TFEC: variants seen among roughly 807,000 people sequenced by gnomAD.
The protein encoded by TFEC is transcription factor EC.
Under a neutral mutation model 41.6 loss-of-function variants are expected in TFEC, and 31 were observed. The ratio of observed to expected loss-of-function variants is 0.74; its 90% CI spans 0.56 to 1.01. TFEC has a LOEUF of 1.01. Ranked by LOEUF, TFEC falls within the 50% of genes least tolerant of loss-of-function variation. The pLI, the probability that TFEC is intolerant of heterozygous loss-of-function variation, is 0.00. For synonymous variants in TFEC, 143 were observed against 140.6 expected, an observed-to-expected ratio of 1.02 and a Z score of -0.12; for missense variants, 402 against 404.1, an observed-to-expected ratio of 0.99 and a Z score of 0.04.
chr7:116,054,188 T>C (rs956122576), intron 3 of TFEC, among the ~76,000 whole-genome samples: 8 of 152,300 alleles, frequency 5.3e-5, no homozygotes, highest in South Asian at 2.1e-4. Flanking sequence ...AATGAAATGG[T>C]AGAAGAATCT....
chr7:116,144,995 C>T (rs1202722250), intron 1 of TFEC, among the ~76,000 whole-genome samples: 2 of 152,114 alleles, frequency 1.3e-5, no homozygotes, highest in African/African-American at 4.8e-5. Context: ...GGAACCCTGA[C>T]TAATATAGAC....
rs370399008 is a variant in TFEC, at chr7:116,000,730, ATTAAC to A, written c.-72-16222_-72-16218del. Reference sequence around the variant, plus strand: ...TACAAATAAAATAAAATACCTAGGAATTAACTTAACCAAAGAAGAGAAAGATCTCT... The same window carrying A: ...TACAAATAAAATAAAATACCTAGGAATTAACCAAAGAAGAGAAAGATCTCT... On this transcript the variant is annotated intron_variant, in intron 1 of 7. Transcript: ENST00000265440. Among the ~76,000 whole-genome samples the A allele has an allele frequency of 9.4e-3, 1,429 of 152,226 alleles. 3 individuals are homozygous for A. Among genetic ancestry groups the A allele is most frequent in the Non-Finnish European group, 0.015 (1,039 of 67,978 alleles).
chr7:115,962,356 A>C (rs1056815222), intron 3 of TFEC, among the ~76,000 whole-genome samples: 2 of 151,800 alleles, frequency 1.3e-5, no homozygotes. Context: ...AATTCACATG[A>C]AATCTCAAGG....
intron 3 of TFEC, among the ~76,000 whole-genome samples, chr7:116,069,590 T>A (rs1307127153): frequency 6.6e-6 from 1 of 151,696 alleles, no homozygotes; most frequent in Non-Finnish European, 1.5e-5. Flanking sequence ...AATAACATGA[T>A]TTATTCATGT....
chr7:115,941,181 T>C (rs1793477734), intron 7 of TFEC: 14 of 389,134 alleles, frequency 3.6e-5, no homozygotes. Flanking sequence ...TGACTGATGA[T>C]GGTTCCATAG....
intron 3 of TFEC, among the ~76,000 whole-genome samples, chr7:116,068,775 T>G (rs563546419): frequency 2.0e-5 from 3 of 151,778 alleles, no homozygotes; most frequent in African/African-American, 7.2e-5. Context: ...GAAAATCTAC[T>G]AGATACATCT....
chr7:116,014,178 G>A (rs1294184309), intron 1 of TFEC, among the ~76,000 whole-genome samples: 1 of 152,066 alleles, frequency 6.6e-6, no homozygotes, highest in Non-Finnish European at 1.5e-5. Context: ...AAAGGAGAGA[G>A]GGAGCAGGAG....
intron 1 of TFEC, chr7:116,120,289 G>T (rs1159885419): frequency 2.0e-5 from 3 of 152,004 alleles, no homozygotes; most frequent in South Asian, 2.1e-4. Context: ...CTTTGCAAAA[G>T]CTCCTTTCTC....
At chr7:116,027,560 A>G (rs975769982) in intron 1 of TFEC, among the ~76,000 whole-genome samples, 1 of 152,148 alleles carries the variant, frequency 6.6e-6, no homozygotes, top group Non-Finnish European at 1.5e-5. Flanking sequence ...TCAAGCCACT[A>G]CACTGAAGCC....
chr7:115,948,004 G>A (rs532117028), intron 6 of TFEC, among the ~76,000 whole-genome samples: 4 of 152,126 alleles, frequency 2.6e-5, no homozygotes, highest in Non-Finnish European at 4.4e-5. Flanking sequence ...AATAAGAAAT[G>A]ATAAAGGGGA....
chr7:116,091,505 AT>A (rs1169282472), intron 3 of TFEC, among the ~76,000 whole-genome samples: 2 of 152,158 alleles, frequency 1.3e-5, no homozygotes, highest in Non-Finnish European at 2.9e-5. Flanking sequence ...AATACAGGCA[AT>A]TCATAAACAT....
chr7:116,050,479 G>A (rs1796281498), intron 3 of TFEC, among the ~76,000 whole-genome samples: 2 of 152,174 alleles, frequency 1.3e-5, no homozygotes. Context: ...ATCAAAAAGT[G>A]GGTGAAGGAT....
At chr7:116,136,309 T>C (rs1455864644) in intron 1 of TFEC, among the ~76,000 whole-genome samples, 1 of 152,026 alleles carries the variant, frequency 6.6e-6, no homozygotes, top group Admixed American at 6.6e-5. Flanking sequence ...TTTTAAAATG[T>C]ATATTAATTA....
At chr7:116,009,120 C>T (rs1408108658) in intron 1 of TFEC, among the ~76,000 whole-genome samples, 1 of 152,126 alleles carries the variant, frequency 6.6e-6, no homozygotes, top group African/African-American at 2.4e-5. Context: ...CATCTACCTC[C>T]ATTTATACAT....
At chr7:116,150,634 C>T (rs1798741844) in intron 1 of TFEC, among the ~76,000 whole-genome samples, 1 of 152,024 alleles carries the variant, frequency 6.6e-6, no homozygotes, top group Non-Finnish European at 1.5e-5. Context: ...ACAACCCTGG[C>T]ACCTACTCTT....
At chr7:116,088,520 T>C (rs2131080548) in intron 3 of TFEC, among the ~76,000 whole-genome samples, 1 of 152,226 alleles carries the variant, frequency 6.6e-6, no homozygotes, top group Admixed American at 6.6e-5. Flanking sequence ...CTCAGGGTGG[T>C]TGTATTGGTC....
chr7:116,001,580 G>C (rs1442349635), intron 1 of TFEC, among the ~76,000 whole-genome samples: 1 of 151,522 alleles, frequency 6.6e-6, no homozygotes, highest in Non-Finnish European at 1.5e-5. Context: ...CCAGGACATT[G>C]GACTGGGCAG....
At chr7:115,998,755 A>G (rs1794468156) in intron 1 of TFEC, among the ~76,000 whole-genome samples, 1 of 152,078 alleles carries the variant, frequency 6.6e-6, no homozygotes, top group Admixed American at 6.5e-5. Flanking sequence ...TATAATGATA[A>G]CGTAGCCAAT....
At chr7:116,046,706 A>G (rs150240211) in intron 3 of TFEC, among the ~76,000 whole-genome samples, 1 of 152,334 alleles carries the variant, frequency 6.6e-6, no homozygotes, top group East Asian at 1.9e-4. Flanking sequence ...AAGTTCTAAG[A>G]AGGCAGGAAC....
Sources: allele counts gnomAD v4.1 joint callset (sites outside exome capture counted in the v4.1 genomes callset), GRCh38; gene constraint gnomAD v4.1.1; transcripts MANE v1.5; gene names NCBI Gene and HGNC (gene_info 2026-07-23, HGNC 2026-07-21).